Variants in ASAP1 observed in about 807,000 individuals in gnomAD.
The protein encoded by ASAP1 is arf-GAP with SH3 domain, ANK repeat and PH domain-containing protein 1.
A neutral mutation model predicts 145.2 loss-of-function variants in ASAP1; 43 were observed. The observed-to-expected ratio is 0.30, with a 90% confidence interval of 0.23 to 0.38. The LOEUF is 0.38. ASAP1 is among the 10% of genes least tolerant of loss of function. The pLI is 1.00. For missense variants in ASAP1, 1,018 were observed against 1,355.3 expected, an observed-to-expected ratio of 0.75 and a Z score of 3.91; for synonymous variants, 546 against 515.5, an observed-to-expected ratio of 1.06 and a Z score of -0.80.
chr8:130,353,991 A>G (rs1471801877), intron 3 of ASAP1, among the ~76,000 whole-genome samples: 1 of 151,622 alleles, frequency 6.6e-6, no homozygotes, highest in Non-Finnish European at 1.5e-5. Context: ...GGTTCATGCC[A>G]TTCTCCTGCC....
At position 130,124,689 on chromosome 8, in the gene ASAP1, T is replaced by C. The variant is rs118139710; in HGVS notation, c.1516-585A>G. The stretch of plus-strand genomic sequence containing the variant: ...ATTTGTTCTGAAGGGCCTCTAATCA[T>C]TTTATGTAATTTTGGGATGCAAAGT... On this transcript the variant is annotated intron_variant, in intron 17 of 29. Coordinates refer to ENST00000518721, the MANE Select transcript of ASAP1 (RefSeq NM_018482.4). 3.2e-3 allele frequency among the ~76,000 whole-genome samples: 494 copies of C among 152,344 alleles called. 1 individual carries two copies. The highest frequency in any genetic ancestry group is 4.9e-3 in the Non-Finnish European group (330 of 68,024).
intron 3 of ASAP1, among the ~76,000 whole-genome samples, chr8:130,299,354 G>A (rs548441650): frequency 2.0e-5 from 3 of 152,302 alleles, no homozygotes; most frequent in East Asian, 1.9e-4. Context: ...AATGCTACAC[G>A]TATGCACAGG....
chr8:130,306,884 TAACA>T (rs369493501), intron 3 of ASAP1, among the ~76,000 whole-genome samples: 2 of 152,336 alleles, frequency 1.3e-5, no homozygotes, highest in African/African-American at 4.8e-5. Context: ...CCTCAGAGCC[TAACA>T]AACTAGAAAC....
At chr8:130,295,542 A>G (rs1183736185) in intron 3 of ASAP1, among the ~76,000 whole-genome samples, 3 of 152,260 alleles carry the variant, frequency 2.0e-5, no homozygotes, top group African/African-American at 7.2e-5. Flanking sequence ...TGTGAGGTTT[A>G]TATGAGATAA....
chr8:130,381,493 A>T (rs1443848117), intron 2 of ASAP1, among the ~76,000 whole-genome samples: 1 of 152,192 alleles, frequency 6.6e-6, no homozygotes, highest in Admixed American at 6.5e-5. Context: ...CCATATTTTA[A>T]GTTCTTAGTA....
chr8:130,329,461 C>G (rs959864606), intron 3 of ASAP1, among the ~76,000 whole-genome samples: 1 of 152,086 alleles, frequency 6.6e-6, no homozygotes, highest in African/African-American at 2.4e-5. Flanking sequence ...ATTCCATTTC[C>G]CAAGAGCTAT....
At chr8:130,165,112 A>G (rs2097677292) in intron 11 of ASAP1, among the ~76,000 whole-genome samples, 2 of 152,328 alleles carry the variant, frequency 1.3e-5, no homozygotes, top group Middle Eastern at 3.4e-3. Context: ...GGGTGGGGTT[A>G]AATCAAATCA....
chr8:130,307,296 T>TA (rs1481516434), intron 3 of ASAP1, among the ~76,000 whole-genome samples: 2 of 151,512 alleles, frequency 1.3e-5, no homozygotes, highest in African/African-American at 4.8e-5. Context: ...GTGAATATAA[T>TA]TAAGTATTCA....
intron 3 of ASAP1, among the ~76,000 whole-genome samples, chr8:130,249,858 A>G (rs1468971077): frequency 6.6e-6 from 1 of 152,054 alleles, no homozygotes; most frequent in African/African-American, 2.4e-5. Flanking sequence ...TGCCCCTCAG[A>G]TGTCTCTGGT....
At chr8:130,285,433 C>T (rs1413082639) in intron 3 of ASAP1, among the ~76,000 whole-genome samples, 1 of 152,036 alleles carries the variant, frequency 6.6e-6, no homozygotes, top group Non-Finnish European at 1.5e-5. Context: ...ACAAAATGAT[C>T]TTATCACTAG....
At chr8:130,313,624 G>A (rs1037695673) in intron 3 of ASAP1, among the ~76,000 whole-genome samples, 9 of 152,036 alleles carry the variant, frequency 5.9e-5, no homozygotes, top group Non-Finnish European at 1.0e-4. Flanking sequence ...CATAATCAAC[G>A]TCCTCACAGA....
intron 2 of ASAP1, among the ~76,000 whole-genome samples, chr8:130,378,544 C>T (rs1003993549): frequency 6.6e-6 from 1 of 152,194 alleles, no homozygotes; most frequent in Non-Finnish European, 1.5e-5. Flanking sequence ...AAACAAATAA[C>T]ACGTGCAGGG....
At chr8:130,399,979 C>T (rs1828708172) in intron 2 of ASAP1, among the ~76,000 whole-genome samples, 1 of 152,100 alleles carries the variant, frequency 6.6e-6, no homozygotes, top group South Asian at 2.1e-4. Context: ...GCCACCATGC[C>T]CAGCTAATTT....
intron 3 of ASAP1, chr8:130,340,886 CA>C (rs1825334325): frequency 2.2e-6 from 1 of 455,930 alleles, no homozygotes; most frequent in East Asian, 6.9e-5. Context: ...TGAGGCTGAC[CA>C]ATCATTGCGA....
chr8:130,154,328 G>GTATC (rs1565025965), intron 12 of ASAP1, among the ~76,000 whole-genome samples: 1 of 152,154 alleles, frequency 6.6e-6, no homozygotes, highest in Non-Finnish European at 1.5e-5. Flanking sequence ...TGATATTGAA[G>GTATC]GATAAAAAAA....
At chr8:130,302,078 T>C (rs1204763309) in intron 3 of ASAP1, among the ~76,000 whole-genome samples, 5 of 152,348 alleles carry the variant, frequency 3.3e-5, no homozygotes, top group African/African-American at 9.6e-5. Flanking sequence ...GACAGGTAAA[T>C]AGATAATCTG....
At chr8:130,171,428 G>A (rs916927204) in intron 9 of ASAP1, among the ~76,000 whole-genome samples, 5 of 151,590 alleles carry the variant, frequency 3.3e-5, no homozygotes, top group East Asian at 1.9e-4. Context: ...TTCACAGGGC[G>A]GCAGGAGAGA....
At chr8:130,288,705 T>A (rs889308242) in intron 3 of ASAP1, among the ~76,000 whole-genome samples, 1 of 152,208 alleles carries the variant, frequency 6.6e-6, no homozygotes, top group Non-Finnish European at 1.5e-5. Flanking sequence ...ATCTGTACTA[T>A]GGTAAAACCA....
At chr8:130,403,946 C>A (rs967554157) in intron 1 of ASAP1, among the ~76,000 whole-genome samples, 5 of 152,190 alleles carry the variant, frequency 3.3e-5, no homozygotes, top group African/African-American at 1.2e-4. Context: ...AAGGCTTCCT[C>A]TCTCATCTTC....
Sources: gnomAD v4.1 joint callset for allele counts (sites outside exome capture counted in the v4.1 genomes callset) on GRCh38, gnomAD v4.1.1 for gene constraint, MANE v1.5 for transcripts, NCBI Gene and HGNC (gene_info 2026-07-23, HGNC 2026-07-21) for gene names.